Variants in SPIDR observed in about 807,000 individuals in gnomAD.
The protein encoded by SPIDR is scaffold protein involved in DNA repair, also known as DNA repair-scaffolding protein.
Under a neutral mutation model 104.6 loss-of-function variants are expected in SPIDR, and 93 were observed. The ratio of observed to expected loss-of-function variants is 0.89; its 90% CI spans 0.75 to 1.06. The LOEUF is 1.06. SPIDR is among the 50% of genes least tolerant of loss of function. SPIDR has a pLI of 0.00. For synonymous variants in SPIDR, 431 were observed against 416.9 expected (o/e 1.03, Z -0.41); for missense variants, 1,154 against 1,111.2 (o/e 1.04, Z -0.55).
chr8:47,604,045 C>T (rs1183472444), intron 10 of SPIDR, among the ~76,000 whole-genome samples: 2 of 152,280 alleles, frequency 1.3e-5, no homozygotes, highest in South Asian at 2.1e-4. Flanking sequence ...TGTCTCTGTG[C>T]TCCTGGAGCA....
At chr8:47,530,534 G>A (rs1255191097) in intron 8 of SPIDR, among the ~76,000 whole-genome samples, 1 of 152,092 alleles carries the variant, frequency 6.6e-6, no homozygotes, top group Non-Finnish European at 1.5e-5. Flanking sequence ...TGGTATAAAG[G>A]TTAAAAATGG....
At chr8:47,421,741 T>G (rs1363432176) in intron 7 of SPIDR, among the ~76,000 whole-genome samples, 1 of 152,196 alleles carries the variant, frequency 6.6e-6, no homozygotes, top group African/African-American at 2.4e-5. Flanking sequence ...CTTTGTGGTT[T>G]TATCTACCTT....
chr8:47,440,565 A>G (rs782394585), intron 8 of SPIDR, 23 bp downstream of exon 8: 3 of 1,591,414 alleles, frequency 1.9e-6, no homozygotes, highest in African/African-American at 2.7e-5. Flanking sequence ...AACTTAATCC[A>G]GCAGTCACCA....
intron 11 of SPIDR, among the ~76,000 whole-genome samples, chr8:47,685,497 A>ATTTTTTTTTTT (rs1383864694): frequency 1.3e-4 from 15 of 113,192 alleles, no homozygotes; most frequent in East Asian, 3.1e-4. Context: ...TTATTTATTT[A>ATTTTTTTTTTT]TTTATTTATT....
intron 3 of SPIDR, among the ~76,000 whole-genome samples, chr8:47,288,362 T>C (rs1321255201): frequency 6.6e-6 from 1 of 152,168 alleles, no homozygotes; most frequent in Non-Finnish European, 1.5e-5. Flanking sequence ...CTCTGCTCAC[T>C]GCAACCTCTG....
intron 5 of SPIDR, among the ~76,000 whole-genome samples, chr8:47,320,877 G>A (rs1434314006): frequency 6.6e-6 from 1 of 152,128 alleles, no homozygotes; most frequent in East Asian, 1.9e-4. Flanking sequence ...TGCAGAAAAG[G>A]CCTTTGACAA....
intron 1 of SPIDR, among the ~76,000 whole-genome samples, chr8:47,274,724 C>T (rs1267178080): frequency 2.0e-5 from 3 of 151,184 alleles, no homozygotes; most frequent in Non-Finnish European, 4.4e-5. Flanking sequence ...TTACAGGCAC[C>T]GCGACCACAC....
intron 5 of SPIDR, among the ~76,000 whole-genome samples, chr8:47,312,668 G>C (rs1463725499): frequency 6.6e-6 from 1 of 152,102 alleles, no homozygotes; most frequent in Non-Finnish European, 1.5e-5. Flanking sequence ...CCATTTTGTA[G>C]GTTGCCTGTT....
intron 11 of SPIDR, among the ~76,000 whole-genome samples, chr8:47,688,051 G>A (rs111409437): frequency 0.018 from 2,750 of 150,598 alleles, 84 homozygotes; most frequent in African/African-American, 0.065. Flanking sequence ...GTGTGCATGC[G>A]TATAGGTTTA....
chr8:47,396,717 A>G (rs1466331230), intron 6 of SPIDR, 91 bp downstream of exon 6: 13 of 1,301,974 alleles, frequency 1.0e-5, no homozygotes, highest in Non-Finnish European at 1.3e-5. Flanking sequence ...AGATACTTGT[A>G]TATGAAGTCC....
chr8:47,361,393 G>A (rs1419840406), intron 5 of SPIDR, among the ~76,000 whole-genome samples: 2 of 152,200 alleles, frequency 1.3e-5, no homozygotes, highest in East Asian at 3.8e-4. Context: ...TCCCAGGAAG[G>A]GCCTGGGTGG....
chr8:47,653,556 C>T (rs2072091119), intron 10 of SPIDR, among the ~76,000 whole-genome samples: 1 of 152,154 alleles, frequency 6.6e-6, no homozygotes, highest in African/African-American at 2.4e-5. Flanking sequence ...TTCTTCCTTT[C>T]CCACTTGTAT....
chr8:47,570,722 C>A (rs535448115), intron 8 of SPIDR, among the ~76,000 whole-genome samples: 2 of 152,124 alleles, frequency 1.3e-5, no homozygotes, highest in South Asian at 2.1e-4. Context: ...AAAAAGACAA[C>A]CTAATTTTTA....
Position 47,291,133 on chromosome 8 carries a change from G to C in SPIDR, c.357G>C (p.Gln119His). ...AAGATAAGACACTTTCTCAGTTACA[G>C]AGAGGTAATGGACATTGCTCTAGAA... ...SDEDKTLSQL[Q>H]RDELQFIDWE... Residue 119 changes from glutamine to histidine, a missense_variant, in exon 4 of 20, where the codon CAG becomes CAC. Gln to His is a conservative substitution (Grantham distance 24, BLOSUM62 0). Coordinates refer to ENST00000297423, the MANE Select transcript of SPIDR (RefSeq NM_001080394.4). 6.2e-7 allele frequency: 1 copy of C among 1,607,708 alleles called. No homozygotes were observed. The highest frequency in any genetic ancestry group is 8.5e-7 in the Non-Finnish European group (1 of 1,175,272).
At chr8:47,484,346 C>G (rs1361018500) in intron 8 of SPIDR, among the ~76,000 whole-genome samples, 4 of 152,240 alleles carry the variant, frequency 2.6e-5, no homozygotes, top group African/African-American at 9.6e-5. Flanking sequence ...TTCGCATCTG[C>G]TGTGAATTTG....
At chr8:47,324,183 ATTAC>A (rs1199587281) in intron 5 of SPIDR, among the ~76,000 whole-genome samples, 4 of 152,290 alleles carry the variant, frequency 2.6e-5, no homozygotes, top group African/African-American at 9.6e-5. Context: ...ACATTTTTAT[ATTAC>A]TTATATGTAT....
intron 11 of SPIDR, among the ~76,000 whole-genome samples, chr8:47,681,280 A>G (rs1260115198): frequency 6.6e-6 from 1 of 152,128 alleles, no homozygotes; most frequent in African/African-American, 2.4e-5. Context: ...TTGTCCTTTA[A>G]GACTGGGGTT....
chr8:47,270,944 A>T (rs375217675), intron 1 of SPIDR, among the ~76,000 whole-genome samples: 1 of 152,128 alleles, frequency 6.6e-6, no homozygotes. Context: ...CACTCCTTTT[A>T]AATTTATCGA....
chr8:47,523,729 T>C (rs986479301), intron 8 of SPIDR, among the ~76,000 whole-genome samples: 5 of 152,188 alleles, frequency 3.3e-5, no homozygotes, highest in African/African-American at 9.7e-5. Flanking sequence ...CAGATTTTTG[T>C]TTTTTAGTGG....
Sources: gnomAD v4.1 joint callset for allele counts (sites outside exome capture counted in the v4.1 genomes callset) on GRCh38, gnomAD v4.1.1 for gene constraint, MANE v1.5 for transcripts, NCBI Gene and HGNC (gene_info 2026-07-23, HGNC 2026-07-21) for gene names.